Variants in MYO16 observed in about 807,000 individuals in gnomAD.
MYO16 encodes unconventional myosin-XVI.
In MYO16, 94 loss-of-function variants were observed where a neutral mutation model predicts 205.3. That is an observed-to-expected ratio of 0.46 (90% CI 0.39 to 0.54). MYO16 has a LOEUF of 0.54. Ranked by LOEUF, MYO16 falls within the 20% of genes least tolerant of loss-of-function variation. The probability of loss-of-function intolerance (pLI) is 0.00; values close to 1 mark genes in which losing one functional copy is unlikely to be tolerated. For missense variants in MYO16, 2,315 were observed against 2,387.5 expected (o/e 0.97, Z 0.63); for synonymous variants, 988 against 954.0 (o/e 1.04, Z -0.66).
chr13:109,154,800 T>C (rs1283256945), intron 32 of MYO16, among the ~76,000 whole-genome samples: 3 of 148,370 alleles, frequency 2.0e-5, no homozygotes, highest in African/African-American at 5.0e-5. Flanking sequence ...TGAGGAAATG[T>C]AAAAATAACA....
At chr13:108,846,527 G>GTA (rs1877531501) in intron 10 of MYO16, among the ~76,000 whole-genome samples, 1 of 150,920 alleles carries the variant, frequency 6.6e-6, no homozygotes, top group Non-Finnish European at 1.5e-5. Context: ...TATCCTTTGG[G>GTA]GGGGAATATT....
intron 27 of MYO16, among the ~76,000 whole-genome samples, chr13:109,079,709 C>T (rs1888223574): frequency 6.6e-6 from 1 of 151,962 alleles, no homozygotes; most frequent in Non-Finnish European, 1.5e-5. Context: ...ACACAGTATA[C>T]CCATGTCACA....
Position 109,116,010 on chromosome 13 carries a change from T to C in MYO16, c.3439-4360T>C, listed in dbSNP as rs148622328. Among the ~76,000 whole-genome samples the C allele has an allele frequency of 7.7e-3, 1,166 of 151,956 alleles. 14 individuals are homozygous for C. The highest frequency in any genetic ancestry group is 0.026 in the African/African-American group (1,093 of 41,464). ...ACAAAAAACAGCAAAGTCAAACAAA[T>C]GCTAAAACATCCAATGAGTATCTCC... On this transcript the variant is annotated intron_variant, in intron 28 of 34. Transcript: ENST00000457511.
chr13:109,025,561 T>C (rs1258346747), intron 23 of MYO16, among the ~76,000 whole-genome samples: 1 of 152,160 alleles, frequency 6.6e-6, no homozygotes, highest in Non-Finnish European at 1.5e-5. Flanking sequence ...ATATTTGTTT[T>C]AGCAAATATT....
At chr13:109,157,150 C>T (rs1878093138) in intron 32 of MYO16, among the ~76,000 whole-genome samples, 1 of 149,438 alleles carries the variant, frequency 6.7e-6, no homozygotes, top group South Asian at 2.1e-4. Flanking sequence ...CCTCCTTCTG[C>T]TTCCCCAGCC....
intron 2 of MYO16, among the ~76,000 whole-genome samples, chr13:108,688,431 A>T (rs1470818982): frequency 6.6e-6 from 1 of 152,086 alleles, no homozygotes; most frequent in African/African-American, 2.4e-5. Context: ...TTATTATTTT[A>T]TTATTTTGTA....
At chr13:109,104,593 G>A (rs930661357) in intron 28 of MYO16, among the ~76,000 whole-genome samples, 2 of 152,146 alleles carry the variant, frequency 1.3e-5, no homozygotes, top group Admixed American at 6.5e-5. Flanking sequence ...GTCTCAGGAA[G>A]CATTTGATGT....
intron 10 of MYO16, among the ~76,000 whole-genome samples, chr13:108,852,832 ATGTT>A (rs550573916): frequency 8.3e-4 from 126 of 152,318 alleles, no homozygotes; most frequent in African/African-American, 3.0e-3. Flanking sequence ...AGTATAGACT[ATGTT>A]TCATCACATA....
intron 2 of MYO16, among the ~76,000 whole-genome samples, chr13:108,679,720 A>AAT (rs1408683414): frequency 0.011 from 1,690 of 148,944 alleles, 26 homozygotes; most frequent in African/African-American, 0.036. Flanking sequence ...GCAAAAAAAA[A>AAT]AATAATAATA....
chr13:108,906,324 A>G (rs897530037), intron 15 of MYO16, among the ~76,000 whole-genome samples: 2 of 152,184 alleles, frequency 1.3e-5, no homozygotes, highest in African/African-American at 4.8e-5. Flanking sequence ...GAAATTTACT[A>G]ACAATAAAAA....
At chr13:109,199,200 A>G (rs1880297319) in intron 34 of MYO16, among the ~76,000 whole-genome samples, 1 of 31,918 alleles carries the variant, frequency 3.1e-5, no homozygotes, top group African/African-American at 1.3e-4. Flanking sequence ...AGGTATATAT[A>G]TATATATATA....
rs1041930716 is a variant in MYO16 at position 108,648,344 on chromosome 13, G to A, written c.29-17542G>A. ...ACTGCCTCTCAACTCTTTCTTACATGTGTGCACACTCAACCCCATGGCTAT... is the reference window on the plus strand; with the variant it reads ...ACTGCCTCTCAACTCTTTCTTACATATGTGCACACTCAACCCCATGGCTAT... On this transcript the variant is annotated intron_variant, in intron 1 of 34. Transcript: ENST00000457511. Among the ~76,000 whole-genome samples the A allele has an allele frequency of 7.2e-5, 11 of 152,116 alleles. 1 individual carries two copies. The highest frequency in any genetic ancestry group is 2.7e-4 in the African/African-American group (11 of 41,420).
intron 23 of MYO16, among the ~76,000 whole-genome samples, chr13:109,028,632 T>C (rs1168797149): frequency 6.6e-6 from 1 of 151,282 alleles, no homozygotes; most frequent in East Asian, 1.9e-4. Flanking sequence ...AATTTTATGA[T>C]GGCATAAAAA....
At chr13:109,044,478 G>A (rs997821090) in intron 23 of MYO16, among the ~76,000 whole-genome samples, 8 of 151,994 alleles carry the variant, frequency 5.3e-5, no homozygotes, top group Non-Finnish European at 1.2e-4. Context: ...CCTTTTTGAT[G>A]TAACTGAAAT....
intron 9 of MYO16, among the ~76,000 whole-genome samples, chr13:108,830,937 A>G (rs974656566): frequency 1.9e-4 from 29 of 152,172 alleles, no homozygotes; most frequent in African/African-American, 6.0e-4. Context: ...ACCAAATCAC[A>G]TATGCCATAT....
At chr13:108,966,956 T>TA (rs1883814606) in intron 20 of MYO16, among the ~76,000 whole-genome samples, 1 of 152,070 alleles carries the variant, frequency 6.6e-6, no homozygotes, top group Non-Finnish European at 1.5e-5. Flanking sequence ...AAAGATTATA[T>TA]AAATAAATAA....
intron 2 of MYO16, among the ~76,000 whole-genome samples, chr13:108,699,979 A>C (rs192960001): frequency 1.8e-4 from 28 of 152,242 alleles, no homozygotes; most frequent in Admixed American, 2.6e-4. Context: ...CACTGAGAAC[A>C]CTGGCACTAT....
chr13:108,715,545 C>T lies in MYO16; in HGVS notation c.363+2814C>T, dbSNP rs188182595. Among the ~76,000 whole-genome samples, 10 of 152,232 alleles carry T rather than the reference C, an allele frequency of 6.6e-5. No individual in the cohort carries two copies. In the South Asian group the frequency reaches 1.0e-3, roughly 16 times the overall value. On this transcript the variant is annotated intron_variant, in intron 3 of 34. Coordinates refer to ENST00000457511, the MANE Select transcript of MYO16 (RefSeq NM_001198950.3). ...AATGCCCAGGAGAGTGCCTGATACTCGGAGATGCTCAGTAGATTTGTTAAG... is the reference window on the plus strand; with the variant it reads ...AATGCCCAGGAGAGTGCCTGATACTTGGAGATGCTCAGTAGATTTGTTAAG...
chr13:108,517,464 A>G, the MYO16 span, among the ~76,000 whole-genome samples: 1 of 152,206 alleles, frequency 6.6e-6, no homozygotes, highest in African/African-American at 2.4e-5. Flanking sequence ...TCAAAATATC[A>G]ATGGTGCATG....
Sources: gnomAD v4.1 joint callset for allele counts (sites outside exome capture counted in the v4.1 genomes callset) on GRCh38, gnomAD v4.1.1 for gene constraint, MANE v1.5 for transcripts, NCBI Gene and HGNC (gene_info 2026-07-23, HGNC 2026-07-21) for gene names.